ASTN2: variants seen among roughly 807,000 people sequenced by gnomAD.
ASTN2 encodes the protein astrotactin-2.
A neutral mutation model predicts 139.8 loss-of-function variants in ASTN2; 54 were observed. The ratio of observed to expected loss-of-function variants is 0.39; its 90% CI spans 0.31 to 0.48. The LOEUF (loss-of-function observed/expected upper bound fraction) is 0.48, where lower values mean the gene tolerates loss of function less well. ASTN2 is among the 20% of genes least tolerant of loss of function. The probability of loss-of-function intolerance (pLI) is 0.95; values close to 1 mark genes in which losing one functional copy is unlikely to be tolerated. For synonymous variants in ASTN2, 756 were observed against 719.5 expected, an observed-to-expected ratio of 1.05 and a Z score of -0.81; for missense variants, 1,565 against 1,725.1, an observed-to-expected ratio of 0.91 and a Z score of 1.64.
chr9:116,606,695 T>C (rs1343553536), intron 19 of ASTN2, among the ~76,000 whole-genome samples: 2 of 152,204 alleles, frequency 1.3e-5, no homozygotes, highest in Non-Finnish European at 2.9e-5. Context: ...TAATTTTTTT[T>C]TTTTAATTCA....
intron 10 of ASTN2, among the ~76,000 whole-genome samples, chr9:116,962,523 C>T (rs928088897): frequency 6.6e-6 from 1 of 152,138 alleles, no homozygotes; most frequent in Non-Finnish European, 1.5e-5. Context: ...TGAACTTGCT[C>T]CTACTTGAGT....
chr9:116,485,853 C>G (rs770404293), intron 20 of ASTN2, among the ~76,000 whole-genome samples: 2 of 152,062 alleles, frequency 1.3e-5, no homozygotes, highest in Non-Finnish European at 2.9e-5. Flanking sequence ...GTTTGGTGAC[C>G]CAACACATTG....
chr9:116,996,661 T>C (rs1243700364), intron 7 of ASTN2, among the ~76,000 whole-genome samples: 2 of 152,124 alleles, frequency 1.3e-5, no homozygotes, highest in Non-Finnish European at 2.9e-5. Context: ...ACTAACTCTA[T>C]TACATTGGCT....
intron 17 of ASTN2, among the ~76,000 whole-genome samples, chr9:116,639,689 G>A (rs1053092557): frequency 1.3e-5 from 2 of 152,178 alleles, no homozygotes; most frequent in Non-Finnish European, 2.9e-5. Flanking sequence ...TGATAAATAA[G>A]TAGACATTGG....
At chr9:117,145,352 G>A (rs891678357) in intron 3 of ASTN2, among the ~76,000 whole-genome samples, 1 of 152,148 alleles carries the variant, frequency 6.6e-6, no homozygotes, top group African/African-American at 2.4e-5. Flanking sequence ...AGCTTGTGCT[G>A]GCTGTTCTCC....
chr9:116,431,809 G>A (rs1226722925), intron 22 of ASTN2, among the ~76,000 whole-genome samples: 1 of 152,144 alleles, frequency 6.6e-6, no homozygotes, highest in Non-Finnish European at 1.5e-5. Flanking sequence ...ATTTGACCAG[G>A]GTGACAGGAG....
At chr9:116,781,803 C>G (rs1437488074) in intron 13 of ASTN2, among the ~76,000 whole-genome samples, 1 of 151,860 alleles carries the variant, frequency 6.6e-6, no homozygotes, top group African/African-American at 2.4e-5. Context: ...GGGCCAGATA[C>G]CTGCAGTTCT....
intron 19 of ASTN2, among the ~76,000 whole-genome samples, chr9:116,497,999 G>A (rs367778119): frequency 2.2e-4 from 34 of 152,250 alleles, no homozygotes; most frequent in Middle Eastern, 6.8e-3. Context: ...TGTACAAAAA[G>A]GCAAAAACCA....
intron 19 of ASTN2, among the ~76,000 whole-genome samples, chr9:116,602,974 T>C (rs1374831770): frequency 6.6e-6 from 1 of 152,134 alleles, no homozygotes; most frequent in Non-Finnish European, 1.5e-5. Context: ...AGAAACCTAG[T>C]AAAATTGAAT....
At chr9:117,398,029 C>T (rs1223400135) in intron 1 of ASTN2, among the ~76,000 whole-genome samples, 2 of 152,098 alleles carry the variant, frequency 1.3e-5, no homozygotes, top group Non-Finnish European at 2.9e-5. Context: ...TATGTATCTG[C>T]ATGTATGTAT....
At chr9:116,799,454 T>G (rs1382980289) in intron 13 of ASTN2, among the ~76,000 whole-genome samples, 1 of 152,070 alleles carries the variant, frequency 6.6e-6, no homozygotes, top group East Asian at 1.9e-4. Context: ...TCTTTGCAGG[T>G]CATTCTTGAG....
chr9:117,182,540 T>G (rs554842285), intron 3 of ASTN2, among the ~76,000 whole-genome samples: 12 of 152,292 alleles, frequency 7.9e-5, no homozygotes, highest in African/African-American at 2.9e-4. Flanking sequence ...TTAGAACAGA[T>G]AAGGTCCAAA....
intron 5 of ASTN2, among the ~76,000 whole-genome samples, chr9:117,064,192 A>G (rs1827864138): frequency 6.6e-6 from 1 of 151,866 alleles, no homozygotes. Context: ...ATCAAATACC[A>G]ATTAAAGATT....
At chr9:116,535,543 C>T (rs1464471467) in intron 19 of ASTN2, among the ~76,000 whole-genome samples, 1 of 152,098 alleles carries the variant, frequency 6.6e-6, no homozygotes, top group Non-Finnish European at 1.5e-5. Flanking sequence ...TCTTGTAGGG[C>T]AGGCCTGGTG....
At chr9:116,737,847 T>G (rs921595037) in intron 13 of ASTN2, among the ~76,000 whole-genome samples, 3 of 152,106 alleles carry the variant, frequency 2.0e-5, no homozygotes, top group African/African-American at 7.2e-5. Flanking sequence ...ATAAGAGTGA[T>G]ATAATGAGTT....
chr9:116,746,703 T>A (rs1829245107), intron 13 of ASTN2, among the ~76,000 whole-genome samples: 1 of 152,184 alleles, frequency 6.6e-6, no homozygotes, highest in Non-Finnish European at 1.5e-5. Flanking sequence ...TCAATGCCCC[T>A]CTTTTCATTT....
chr9:116,542,071 TCC>T (rs1367047961), intron 19 of ASTN2, among the ~76,000 whole-genome samples: 23 of 152,342 alleles, frequency 1.5e-4, no homozygotes, highest in Admixed American at 6.5e-4. Context: ...TTCCTCTTGC[TCC>T]TGCTCCACAT....
chr9:116,748,579 C>T (rs184710325), intron 13 of ASTN2, among the ~76,000 whole-genome samples: 1 of 152,320 alleles, frequency 6.6e-6, no homozygotes, highest in East Asian at 1.9e-4. Context: ...TCACTACACA[C>T]TCCTCAAGGG....
intron 4 of ASTN2, among the ~76,000 whole-genome samples, chr9:117,135,722 C>A (rs116367564): frequency 6.6e-6 from 1 of 152,042 alleles, no homozygotes; most frequent in African/African-American, 2.4e-5. Flanking sequence ...GCTGCGGCTG[C>A]GGTAGGGGCT....
Sources: gnomAD v4.1 joint callset for allele counts (sites outside exome capture counted in the v4.1 genomes callset) on GRCh38, gnomAD v4.1.1 for gene constraint, MANE v1.5 for transcripts, NCBI Gene and HGNC (gene_info 2026-07-23, HGNC 2026-07-21) for gene names.